DCLK2: variants seen among roughly 807,000 people sequenced by gnomAD.
DCLK2 encodes the protein doublecortin like kinase 2.
In DCLK2, 31 loss-of-function variants were observed where a neutral mutation model predicts 78.4. The ratio of observed to expected loss-of-function variants is 0.40; its 90% CI spans 0.30 to 0.53. The LOEUF is 0.53. Among genes scored for constraint, DCLK2 ranks in the 20% least tolerant of loss-of-function variants. The pLI is 0.61. For synonymous variants in DCLK2, 407 were observed against 374.9 expected, an observed-to-expected ratio of 1.09 and a Z score of -0.99; for missense variants, 872 against 973.7, an observed-to-expected ratio of 0.90 and a Z score of 1.39.
At chr4:150,173,723 C>T (rs1279964989) in intron 2 of DCLK2, among the ~76,000 whole-genome samples, 1 of 152,124 alleles carries the variant, frequency 6.6e-6, no homozygotes, top group African/African-American at 2.4e-5. Context: ...GGGAAACTGA[C>T]AGCTGCAATC....
chr4:150,197,119 A>G (rs1227301559), intron 3 of DCLK2, among the ~76,000 whole-genome samples: 5 of 150,944 alleles, frequency 3.3e-5, no homozygotes, highest in Non-Finnish European at 5.9e-5. Context: ...ACGCCACTGC[A>G]CTTTAGCCTG....
chr4:150,168,346 CAAA>C (rs1285332689), intron 2 of DCLK2, among the ~76,000 whole-genome samples: 1 of 113,816 alleles, frequency 8.8e-6, no homozygotes, highest in South Asian at 2.8e-4. Flanking sequence ...GACTCCATCT[CAAA>C]AAAAAAAAAA....
At chr4:150,199,043 A>G (rs565777137) in intron 4 of DCLK2, 19 of 1,595,582 alleles carry the variant, frequency 1.2e-5, no homozygotes, top group South Asian at 2.2e-5. Flanking sequence ...CGGGGTGGCC[A>G]CTACTCCAGT....
intron 1 of DCLK2, among the ~76,000 whole-genome samples, chr4:150,088,547 T>C (rs1246941530): frequency 1.3e-5 from 2 of 152,170 alleles, no homozygotes; most frequent in South Asian, 4.1e-4. Context: ...CTAGCAGTCC[T>C]CTCGCCTCAG....
intron 11 of DCLK2, 33 bp from the exon 12 acceptor site, chr4:150,240,366 G>A: frequency 6.2e-7 from 1 of 1,608,440 alleles, no homozygotes; most frequent in Non-Finnish European, 8.5e-7. Flanking sequence ...GGAGCCATCA[G>A]TTCTCTCCCC....
chr4:150,215,500 T>A (rs1436823446), intron 5 of DCLK2, among the ~76,000 whole-genome samples: 2 of 152,140 alleles, frequency 1.3e-5, no homozygotes, highest in Non-Finnish European at 2.9e-5. Flanking sequence ...CTCAGGGAAG[T>A]GTTTACTAAT....
At chr4:150,111,596 A>G (rs931894736) in intron 2 of DCLK2, among the ~76,000 whole-genome samples, 2 of 152,030 alleles carry the variant, frequency 1.3e-5, no homozygotes, top group African/African-American at 2.4e-5. Flanking sequence ...TCCTTCTAGA[A>G]TTTTTATGGC....
chr4:150,213,461 T>C (rs1158547966), intron 5 of DCLK2, among the ~76,000 whole-genome samples: 1 of 152,238 alleles, frequency 6.6e-6, no homozygotes, highest in Non-Finnish European at 1.5e-5. Flanking sequence ...GTTTCTGTTC[T>C]TGGATACATT....
chr4:150,218,105 A>G (rs959852353), intron 5 of DCLK2, among the ~76,000 whole-genome samples: 2 of 27,958 alleles, frequency 7.2e-5, no homozygotes, highest in Admixed American at 2.6e-4. Flanking sequence ...TCCCCCCACA[A>G]CGAGGCCCCC....
At chr4:150,253,629 T>G in intron 15 of DCLK2, 1 of 1,279,954 alleles carries the variant, frequency 7.8e-7, no homozygotes, top group South Asian at 1.3e-5. Flanking sequence ...TTGTCTCAGT[T>G]TCTGATGCCG....
At chr4:150,110,089 T>G (rs1186854727) in intron 2 of DCLK2, among the ~76,000 whole-genome samples, 1 of 152,214 alleles carries the variant, frequency 6.6e-6, no homozygotes, top group Non-Finnish European at 1.5e-5. Flanking sequence ...AGGAAAACAC[T>G]AAAATCCTGT....
intron 15 of DCLK2, among the ~76,000 whole-genome samples, chr4:150,255,254 T>C (rs897030211): frequency 1.3e-5 from 2 of 152,218 alleles, no homozygotes; most frequent in African/African-American, 2.4e-5. Flanking sequence ...GCCATCTCCT[T>C]CACTTTTGGG....
chr4:150,177,435 G>A (rs1296339776), intron 2 of DCLK2, among the ~76,000 whole-genome samples: 1 of 152,124 alleles, frequency 6.6e-6, no homozygotes, highest in Non-Finnish European at 1.5e-5. Flanking sequence ...TAGTCTATGG[G>A]CGAGGAATGA....
At chr4:150,146,453 T>C (rs1198596996) in intron 2 of DCLK2, among the ~76,000 whole-genome samples, 2 of 152,186 alleles carry the variant, frequency 1.3e-5, no homozygotes, top group Non-Finnish European at 2.9e-5. Flanking sequence ...TGCTAATTAT[T>C]AATGTTCAGA....
intron 3 of DCLK2, among the ~76,000 whole-genome samples, chr4:150,193,846 G>T (rs1344352679): frequency 6.6e-6 from 1 of 151,948 alleles, no homozygotes; most frequent in East Asian, 1.9e-4. Context: ...TGTGCTGCTG[G>T]ATTCAAGTAA....
intron 13 of DCLK2, 96 bp downstream of exon 13, chr4:150,247,795 A>G (rs1580794812): frequency 1.0e-6 from 1 of 956,424 alleles, no homozygotes; most frequent in East Asian, 2.5e-5. Flanking sequence ...CATTCCAGAA[A>G]GCTCCTTGGC....
intron 2 of DCLK2, among the ~76,000 whole-genome samples, chr4:150,192,080 T>G (rs929779202): frequency 6.6e-6 from 1 of 152,202 alleles, no homozygotes; most frequent in African/African-American, 2.4e-5. Context: ...AGATGGTTCT[T>G]CTGGTCACCA....
intron 3 of DCLK2, 74 bp downstream of exon 3, chr4:150,193,314 T>A: frequency 1.1e-6 from 1 of 938,818 alleles, no homozygotes; most frequent in South Asian, 1.7e-5. Flanking sequence ...ATTTAGCCAC[T>A]CAGTTGGTGC....
At chr4:150,081,449 AACATTATC>A (rs1404383430) in intron 1 of DCLK2, among the ~76,000 whole-genome samples, 2 of 152,166 alleles carry the variant, frequency 1.3e-5, no homozygotes, top group Non-Finnish European at 2.9e-5. Flanking sequence ...ATTTGGAAAA[AACATTATC>A]TATGGAGTCC....
Sources: gnomAD v4.1 joint callset for allele counts (sites outside exome capture counted in the v4.1 genomes callset) on GRCh38, gnomAD v4.1.1 for gene constraint, MANE v1.5 for transcripts, NCBI Gene and HGNC (gene_info 2026-07-23, HGNC 2026-07-21) for gene names.